Variants in SPATA6 observed in about 807,000 individuals in gnomAD.
The protein encoded by SPATA6 is spermatogenesis-associated protein 6.
In SPATA6, 56 loss-of-function variants were observed where a neutral mutation model predicts 65.3. The ratio of observed to expected loss-of-function variants is 0.86; its 90% CI spans 0.69 to 1.07. The LOEUF is 1.07. Ranked by LOEUF, SPATA6 falls within the 50% of genes least tolerant of loss-of-function variation. The pLI, the probability that SPATA6 is intolerant of heterozygous loss-of-function variation, is 0.00. For missense variants in SPATA6, 590 were observed against 594.8 expected, an observed-to-expected ratio of 0.99 and a Z score of 0.08; for synonymous variants, 199 against 213.2, an observed-to-expected ratio of 0.93 and a Z score of 0.58.
intron 3 of SPATA6, among the ~76,000 whole-genome samples, chr1:48,449,012 T>C (rs553695631): frequency 6.6e-6 from 1 of 152,246 alleles, no homozygotes; most frequent in East Asian, 1.9e-4. Context: ...TTACTTACAA[T>C]GGGTGAATTT....
chr1:48,459,586 G>A (rs1026628408), intron 1 of SPATA6, among the ~76,000 whole-genome samples: 1 of 152,080 alleles, frequency 6.6e-6, no homozygotes, highest in Non-Finnish European at 1.5e-5. Context: ...GAAGATATAA[G>A]CAATATTTAC....
Position 48,472,111 on chromosome 1 carries a change from G to A in SPATA6, c.-103C>T, listed in dbSNP as rs898854622. The stretch of plus-strand genomic sequence containing the variant: ...ACGGGGAGGAGACGAGGTGGCGGCG[G>A]CGGTGGCAGCAGTGGCCCCCAGGCC... On this transcript the variant is annotated 5_prime_UTR_variant, in exon 1 of 13. Transcript: ENST00000371847. 3.3e-5 allele frequency: 32 copies of A among 967,752 alleles called. No individual in the cohort carries two copies. The highest frequency in any genetic ancestry group is 4.6e-5 in the Non-Finnish European group (32 of 691,230). The allele number at this position is 967,752 out of a possible 1,614,324, so 59.9% of individuals were successfully genotyped here. A position where few individuals can be genotyped will look rare whatever the true frequency, so the allele number is the denominator to read the frequency against.
intron 12 of SPATA6, among the ~76,000 whole-genome samples, chr1:48,302,077 A>G (rs1308426119): frequency 2.0e-5 from 3 of 152,146 alleles, no homozygotes; most frequent in East Asian, 1.9e-4. Flanking sequence ...AAAGTTTTAG[A>G]TCTAGTTGAG....
chr1:48,367,352 G>A (rs1305729248), intron 9 of SPATA6, among the ~76,000 whole-genome samples: 1 of 152,132 alleles, frequency 6.6e-6, no homozygotes, highest in Non-Finnish European at 1.5e-5. Flanking sequence ...GGGTATCCTT[G>A]TTAACTTTCT....
chr1:48,328,569 T>G (rs988971753), intron 11 of SPATA6, among the ~76,000 whole-genome samples: 2 of 152,106 alleles, frequency 1.3e-5, no homozygotes, highest in African/African-American at 4.8e-5. Flanking sequence ...CTACAGGAAT[T>G]GGACTTGTTG....
intron 3 of SPATA6, chr1:48,436,897 G>A: frequency 6.2e-7 from 1 of 1,613,574 alleles, no homozygotes; most frequent in Admixed American, 1.7e-5. Flanking sequence ...TGTAGACTCT[G>A]GAATTGGAGA....
chr1:48,424,783 G>A (rs902929603), intron 3 of SPATA6, among the ~76,000 whole-genome samples: 3 of 152,176 alleles, frequency 2.0e-5, no homozygotes, highest in African/African-American at 7.2e-5. Context: ...CCATTTGTAA[G>A]TCTTCTTTTG....
the SPATA6 span, among the ~76,000 whole-genome samples, chr1:48,276,298 C>A: frequency 6.6e-6 from 1 of 152,222 alleles, no homozygotes; most frequent in South Asian, 2.1e-4. Context: ...TTCCTGGAGT[C>A]ATTCATTTTT....
intron 9 of SPATA6, among the ~76,000 whole-genome samples, chr1:48,368,627 C>G (rs1647117543): frequency 6.6e-6 from 1 of 152,222 alleles, no homozygotes; most frequent in African/African-American, 2.4e-5. Context: ...AGTTCTCGAG[C>G]CTTGGCTTTC....
intron 7 of SPATA6, among the ~76,000 whole-genome samples, chr1:48,398,782 A>C (rs901541502): frequency 6.6e-6 from 1 of 151,840 alleles, no homozygotes; most frequent in African/African-American, 2.4e-5. Flanking sequence ...CTAAATTTCA[A>C]CTATATCAAA....
intron 1 of SPATA6, among the ~76,000 whole-genome samples, chr1:48,456,347 T>G (rs1289762013): frequency 6.6e-6 from 1 of 152,092 alleles, no homozygotes; most frequent in Non-Finnish European, 1.5e-5. Context: ...GGAAATTAAT[T>G]AAACAAACAA....
In SPATA6 at chr1:48,364,772, T is replaced by A. The variant is rs12021874; in HGVS notation, c.910-5002A>T. Among the ~76,000 whole-genome samples, 893 of 152,340 alleles carry A rather than the reference T, an allele frequency of 5.9e-3. 26 individuals carry two copies. In the East Asian group the frequency reaches 0.1, roughly 17 times the overall value. ...TTGCCTGTTCACTCTGATGGTAGTT[T>A]CTTTTGCTGTGCAGAAGCTCTTTAG... On this transcript the variant is annotated intron_variant, in intron 9 of 12. Coordinates refer to ENST00000371847, the MANE Select transcript of SPATA6 (RefSeq NM_019073.4).
chr1:48,422,706 C>T (rs1299955842), intron 3 of SPATA6, among the ~76,000 whole-genome samples: 1 of 151,988 alleles, frequency 6.6e-6, no homozygotes, highest in Non-Finnish European at 1.5e-5. Context: ...GATACTACAC[C>T]TTCAATTATT....
At chr1:48,305,548 T>C (rs1413593637) in intron 12 of SPATA6, among the ~76,000 whole-genome samples, 1 of 152,102 alleles carries the variant, frequency 6.6e-6, no homozygotes, top group Non-Finnish European at 1.5e-5. Flanking sequence ...TTCTGAAGTA[T>C]GTGAGTTTTC....
chr1:48,319,496 G>T (rs534167724), intron 11 of SPATA6, among the ~76,000 whole-genome samples: 1 of 152,230 alleles, frequency 6.6e-6, no homozygotes, highest in Non-Finnish European at 1.5e-5. Context: ...AACACTTCAA[G>T]TAGATTGTCT....
intron 11 of SPATA6, among the ~76,000 whole-genome samples, chr1:48,307,531 T>C (rs1645091746): frequency 1.3e-5 from 2 of 151,078 alleles, no homozygotes; most frequent in Admixed American, 6.6e-5. Context: ...GATCACATCT[T>C]ATTATAAGCT....
chr1:48,412,023 C>T (rs1557679334), intron 4 of SPATA6, among the ~76,000 whole-genome samples: 1 of 152,098 alleles, frequency 6.6e-6, no homozygotes, highest in Non-Finnish European at 1.5e-5. Context: ...TGCGCCACCA[C>T]ACCTAGCTAT....
the SPATA6 span, among the ~76,000 whole-genome samples, chr1:48,289,335 C>A: frequency 6.6e-6 from 1 of 151,908 alleles, no homozygotes; most frequent in Non-Finnish European, 1.5e-5. Flanking sequence ...GCACCAAAAC[C>A]CCATCTGTAC....
the SPATA6 span, among the ~76,000 whole-genome samples, chr1:48,278,432 G>GA: frequency 6.6e-6 from 1 of 152,076 alleles, no homozygotes; most frequent in Non-Finnish European, 1.5e-5. Flanking sequence ...TGAAAACTTT[G>GA]AAAAAAATTT....
Sources: gnomAD v4.1 joint callset for allele counts (sites outside exome capture counted in the v4.1 genomes callset) on GRCh38, gnomAD v4.1.1 for gene constraint, MANE v1.5 for transcripts, NCBI Gene and HGNC (gene_info 2026-07-23, HGNC 2026-07-21) for gene names.